The following ZNF177 variants were observed in gnomAD, a reference collection of about 807,000 sequenced individuals.
The protein encoded by ZNF177 is zinc finger protein 177.
In ZNF177, 17 loss-of-function variants were observed where a neutral mutation model predicts 19.4. That is an observed-to-expected ratio of 0.87 (90% confidence interval 0.60 to 1.31). The LOEUF is 1.31. Among genes scored for constraint, ZNF177 ranks in the 40% most tolerant of loss-of-function variants. The pLI is 0.00. For missense variants in ZNF177, 633 were observed against 561.8 expected, an observed-to-expected ratio of 1.13 and a Z score of -1.28; for synonymous variants, 220 against 188.7, an observed-to-expected ratio of 1.17 and a Z score of -1.36.
intron 2 of ZNF177, among the ~76,000 whole-genome samples, chr19:9,367,968 T>C (rs2122494315): frequency 6.6e-6 from 1 of 152,318 alleles, no homozygotes; most frequent in East Asian, 1.9e-4. Flanking sequence ...CATTGAAGTG[T>C]AGTTTAAGTA....
At position 9,368,847 on chromosome 19, in the gene ZNF177, A is replaced by G. The variant is rs62104848; in HGVS notation, c.-304-2763A>G. Among the ~76,000 whole-genome samples the G allele has an allele frequency of 6.9e-3, 1,044 of 152,300 alleles. 12 individuals carry two copies. Among genetic ancestry groups the G allele is most frequent in the South Asian group, 0.023 (109 of 4,834 alleles). ...AACCACTAATATTCAACCATATTTT[A>G]AAACTACCAAAACACCCATTTCATA... On this transcript the variant is annotated intron_variant, in intron 2 of 8. Coordinates refer to the ZNF177 transcript ENST00000343499.
At chr19:9,374,591 T>C (rs1339211832), upstream of ZNF177, among the ~76,000 whole-genome samples, 1 of 152,164 alleles carries the variant, frequency 6.6e-6, no homozygotes, top group Non-Finnish European at 1.5e-5. Context: ...ATCATCTCCT[T>C]GGTTAAATTT....
intron 2 of ZNF177, among the ~76,000 whole-genome samples, chr19:9,365,739 C>T (rs1428064099): frequency 1.3e-5 from 2 of 151,244 alleles, no homozygotes; most frequent in Non-Finnish European, 1.5e-5. Flanking sequence ...CTCCTGTCTA[C>T]GAGAAAAGGA....
At chr19:9,379,448 G>GC in intron 3 of ZNF177, 79 bp from the exon 6 acceptor site, 1 of 1,514,764 alleles carries the variant, frequency 6.6e-7, no homozygotes, top group Non-Finnish European at 8.9e-7. Flanking sequence ...TTTAGTTAAA[G>GC]CCAAAGTATG....
At chr19:9,365,904 TCTGAGGAC>T in intron 2 of ZNF177, among the ~76,000 whole-genome samples, 2 of 152,270 alleles carry the variant, frequency 1.3e-5, no homozygotes, top group African/African-American at 4.8e-5. Context: ...GGCTGGTCGG[TCTGAGGAC>T]CTGAGGTCAT....
chr19:9,373,511 G>A (rs2068073229), upstream of ZNF177, among the ~76,000 whole-genome samples: 1 of 152,086 alleles, frequency 6.6e-6, no homozygotes, highest in African/African-American at 2.4e-5. Flanking sequence ...TTAATATTTT[G>A]AGGCACCTCC....
intron 2 of ZNF177, among the ~76,000 whole-genome samples, chr19:9,369,706 T>G (rs2068024076): frequency 6.6e-6 from 1 of 151,856 alleles, no homozygotes; most frequent in Non-Finnish European, 1.5e-5. Flanking sequence ...GAATTGAGAT[T>G]TTTTTTTAAC....
At chr19:9,381,602 A>G (rs1222582502) in exon 6 of ZNF177, 9 of 1,614,024 alleles carry the variant, frequency 5.6e-6, no homozygotes, top group African/African-American at 2.7e-5. Context: ...GAGAAAACCT[A>G]TGAGTGTAAA....
At chr19:9,379,841 G>T (rs1294621244) in intron 4 of ZNF177, among the ~76,000 whole-genome samples, 1 of 14,004 alleles carries the variant, frequency 7.1e-5, no homozygotes, top group Non-Finnish European at 1.6e-4. Flanking sequence ...AGATAATACT[G>T]TCTTATTTCC....
At chr19:9,376,662 T>C (rs1203704320) in intron 1 of ZNF177, among the ~76,000 whole-genome samples, 1 of 152,224 alleles carries the variant, frequency 6.6e-6, no homozygotes, top group Non-Finnish European at 1.5e-5. Flanking sequence ...TTTGATTGCA[T>C]ACAAACAATT....
chr19:9,368,863 C>T (rs2068012815), intron 2 of ZNF177, among the ~76,000 whole-genome samples: 1 of 151,984 alleles, frequency 6.6e-6, no homozygotes, highest in East Asian at 1.9e-4. Context: ...ACCAAAACAC[C>T]CATTTCATAT....
At chr19:9,375,441 A>G (rs144816621), upstream of ZNF177, among the ~76,000 whole-genome samples, 3 of 152,282 alleles carry the variant, frequency 2.0e-5, no homozygotes, top group East Asian at 5.8e-4. Flanking sequence ...GTAGAATTCA[A>G]CGGTGAAGCC....
intron 4 of ZNF177, 161 bp downstream of exon 6, chr19:9,379,780 A>G (rs2068164907): frequency 2.1e-6 from 2 of 941,252 alleles, no homozygotes; most frequent in Admixed American, 3.2e-5. Flanking sequence ...TCTCCGAGAA[A>G]GAAGTTTTAA....
upstream of ZNF177, among the ~76,000 whole-genome samples, chr19:9,374,758 G>C (rs1434458098): frequency 1.3e-5 from 2 of 151,598 alleles, no homozygotes; most frequent in African/African-American, 4.8e-5. Flanking sequence ...ATTTTTTCAT[G>C]GTGTCTTTAG....
chr19:9,373,232 G>A (rs10425635), upstream of ZNF177, among the ~76,000 whole-genome samples: 98,407 of 151,964 alleles, frequency 0.65, 33,056 homozygotes, highest in African/African-American at 0.83. Flanking sequence ...GAGGTCATGC[G>A]GTATTTGTCT....
chr19:9,376,472 C>T (rs1454674414), intron 1 of ZNF177, 49 bp downstream of exon 3: 1 of 152,108 alleles, frequency 6.6e-6, no homozygotes, highest in Non-Finnish European at 1.5e-5. Flanking sequence ...GGCTGTTGTA[C>T]AGATGTTTTG....
At chr19:9,378,703 C>G in intron 2 of ZNF177, 1 of 566,838 alleles carries the variant, frequency 1.8e-6, no homozygotes, top group East Asian at 3.2e-5. Context: ...CACAACCTAA[C>G]TGTGCAAAGA....
exon 6 of ZNF177, chr19:9,381,720 A>AAGCACTAACCTT: frequency 6.2e-7 from 1 of 1,613,880 alleles, no homozygotes; most frequent in East Asian, 2.2e-5. Context: ...CCTTTAGCAC[A>AAGCACTAACCTT]AGCACTAACC....
exon 6 of ZNF177, chr19:9,380,993 T>C: frequency 6.4e-7 from 1 of 1,562,572 alleles, no homozygotes; most frequent in Non-Finnish European, 8.6e-7. Flanking sequence ...TCCTGCTCAG[T>C]ACGTGAGCAA....
Sources: gnomAD v4.1 joint callset for allele counts (sites outside exome capture counted in the v4.1 genomes callset) on GRCh38, gnomAD v4.1.1 for gene constraint, MANE v1.5 for transcripts, NCBI Gene and HGNC (gene_info 2026-07-23, HGNC 2026-07-21) for gene names.